Variants in RYR1 observed in about 807,000 individuals in gnomAD.
RYR1 encodes the protein ryanodine receptor 1, also known as central core disease of muscle.
A neutral mutation model predicts 583.5 loss-of-function variants in RYR1; 342 were observed. That is an observed-to-expected ratio of 0.59 (90% CI 0.54 to 0.64). RYR1 has a LOEUF of 0.64. RYR1 is among the 30% of genes least tolerant of loss of function. RYR1 has a pLI of 0.00. For missense variants in RYR1, 6,032 were observed against 6,917.2 expected (o/e 0.87, Z 4.54); for synonymous variants, 2,791 against 2,822.5 (o/e 0.99, Z 0.35).
intron 81 of RYR1, chr19:38,535,707 G>A (rs560474412): frequency 6.9e-5 from 41 of 590,750 alleles, no homozygotes; most frequent in Middle Eastern, 4.2e-4. Flanking sequence ...CTCTACTGTT[G>A]TCTGCCTTTA....
chr19:38,524,306 C>T lies in RYR1; in HGVS notation c.10455+377C>T, dbSNP rs992458803. On this transcript the variant is annotated intron_variant, in intron 70 of 105. Coordinates refer to ENST00000359596, the MANE Select transcript of RYR1 (RefSeq NM_000540.3). ...CGGAGCATGGTTGGGGAGGGGGCAGCACCCTCGCCGTGGATGGTTTAAAGC... is the reference window on the plus strand; with the variant it reads ...CGGAGCATGGTTGGGGAGGGGGCAGTACCCTCGCCGTGGATGGTTTAAAGC... Among the ~76,000 whole-genome samples the T allele has an allele frequency of 9.4e-4, 17 of 18,166 alleles. No homozygotes were observed. The East Asian group carries it at 0.019, about 20-fold the overall frequency. The allele number at this position is 18,166 out of a possible 152,430, so 11.9% of individuals were successfully genotyped here. A position where few individuals can be genotyped will look rare whatever the true frequency, so the allele number is the denominator to read the frequency against.
At chr19:38,525,614 G>C in intron 71 of RYR1, 112 bp downstream of exon 71, 7 of 1,211,442 alleles carry the variant, frequency 5.8e-6, no homozygotes, top group Non-Finnish European at 8.3e-6. Flanking sequence ...AGGTCCCTGG[G>C]AGCCTTCCCT....
rs193922849 is a variant in RYR1 at position 38,561,236 on chromosome 19, C to A, written c.12406C>A (p.Arg4136Ser). Reference protein sequence around the residue: ...EFANRFQEPARDIGFNVAVLL... With the variant: ...EFANRFQEPASDIGFNVAVLL... ...CGCCAACCGCTTCCAGGAGCCAGCA[C>A]GCGACATCGGCTTCAACGTGGCGGT... The change falls in exon 90 of 106, where the codon CGC (arginine) becomes AGC (serine). Residue 4136 changes from arginine to serine, a missense_variant. By Grantham distance (110) the Arg-to-Ser change is moderately radical (BLOSUM62 -1). This residue lies in a region of RYR1 where 753 missense variants were observed against 759.6 expected (regional missense o/e 0.99). Coordinates refer to ENST00000359596, the MANE Select transcript of RYR1 (RefSeq NM_000540.3). This position sits in a 1 kb window ranked among gnomAD's most constrained non-coding sequence, Gnocchi z 4.8. 17 of 1,613,992 alleles carry A rather than the reference C, an allele frequency of 1.1e-5. No individual in the cohort carries two copies. Among genetic ancestry groups the A allele is most frequent in the Admixed American group, 1.7e-5 (1 of 60,002 alleles).
chr19:38,445,815 C>G (rs1400991732), intron 7 of RYR1, among the ~76,000 whole-genome samples: 2 of 152,108 alleles, frequency 1.3e-5, no homozygotes, highest in African/African-American at 4.8e-5. Flanking sequence ...CATGGCAAAA[C>G]CCCATCTCTA....
In RYR1 at chr19:38,505,091, A is replaced by G. The variant is rs372730488; in HGVS notation, c.8310+10A>G. On this transcript the variant is annotated intron_variant, in intron 52 of 105. Transcript: ENST00000359596. The stretch of plus-strand genomic sequence containing the variant: ...GTGGGCCTTCGACAAGGTTGGCCTC[A>G]GGGTCCTCCTATCCAAGAAACCCTC... The G allele has an allele frequency of 4.2e-5, 68 of 1,613,344 alleles. No individual in the cohort carries two copies. Among genetic ancestry groups the G allele is most frequent in the Admixed American group, 3.0e-4 (18 of 60,024 alleles).
At position 38,433,770 on chromosome 19, in the gene RYR1, G is replaced by GC; in HGVS notation, c.-57dup. On this transcript the variant is annotated 5_prime_UTR_variant, in exon 1 of 106. Transcript: ENST00000359596. ...AGCCCGCCCCCAGCCCTCCCGCCCAGCCCGCAGCCCCCTCCCTCTGTTCCC... is the reference window on the plus strand; with the variant it reads ...AGCCCGCCCCCAGCCCTCCCGCCCAGCCCCGCAGCCCCCTCCCTCTGTTCCC... 3.9e-6 allele frequency: 1 copy of GC among 255,160 alleles called. No individual in the cohort carries two copies. Among genetic ancestry groups the GC allele is most frequent in the South Asian group, 3.9e-5 (1 of 25,578 alleles). 15.8% of individuals were successfully genotyped at this position (255,160 alleles called of 1,614,324 possible).
At chr19:38,507,478 T>G (rs1203423154) in intron 57 of RYR1, among the ~76,000 whole-genome samples, 6 of 58,868 alleles carry the variant, frequency 1.0e-4, no homozygotes, top group African/African-American at 1.5e-4. Flanking sequence ...GGAACAGAGG[T>G]GGGGCCAAAG....
chr19:38,574,890 A>AT (rs1280356302), intron 96 of RYR1, among the ~76,000 whole-genome samples: 2 of 151,878 alleles, frequency 1.3e-5, no homozygotes, highest in African/African-American at 2.4e-5. Flanking sequence ...ATACAAAAAA[A>AT]TTAGCTGGGC....
chr19:38,505,983 T>TGG, intron 54 of RYR1, 37 bp downstream of exon 54: 1 of 1,574,754 alleles, frequency 6.4e-7, no homozygotes, highest in Non-Finnish European at 8.7e-7. Context: ...AGGGGCACGA[T>TGG]GGGGGGAGGG....
At chr19:38,564,633 T>G (rs1186873088) in intron 90 of RYR1, among the ~76,000 whole-genome samples, 1 of 151,528 alleles carries the variant, frequency 6.6e-6, no homozygotes, top group Non-Finnish European at 1.5e-5. Flanking sequence ...TTCTCCTACC[T>G]CAGCCTCCCG....
In RYR1 at chr19:38,458,201, C is replaced by A. The variant is rs1468369900; in HGVS notation, c.2076C>A (p.Thr692=). The change falls in exon 18 of 106, where the codon ACC becomes ACA. Residue 692 remains threonine, a synonymous_variant. Coordinates refer to ENST00000359596, the MANE Select transcript of RYR1 (RefSeq NM_000540.3). ...GCTGGGCCCTCACCGAGGGCTACAC[C>A]CCCTACCCTGGGGCCGGCGAGGGCT... is the stretch of plus-strand genomic sequence containing the variant. ...RVGWALTEGY[T]PYPGAGEGWG... is the part of the protein sequence containing the mutation. 6.2e-7 allele frequency: 1 copy of A among 1,613,816 alleles called. No homozygotes were observed. The highest frequency in any genetic ancestry group is 2.2e-5 in the East Asian group (1 of 44,888).
In RYR1 at chr19:38,539,280, G is replaced by A. The variant is rs191144873; in HGVS notation, c.11689+1320G>A. 2.0e-4 allele frequency among the ~76,000 whole-genome samples: 27 copies of A among 134,742 alleles called. 1 individual carries two copies. The highest frequency in any genetic ancestry group is 1.5e-3 in the Admixed American group (18 of 11,806). 88.4% of individuals were successfully genotyped at this position (134,742 alleles called of 152,430 possible). A position where few individuals can be genotyped will look rare whatever the true frequency, so the allele number is the denominator to read the frequency against. On this transcript the variant is annotated intron_variant, in intron 84 of 105. Transcript: ENST00000359596. ...TTTTAGACAGAGTCTCACTCTTGTC[G>A]CCCAGACTGGAGTGCAGTGGTGTGA...
At chr19:38,445,371 C>T (rs1972891575) in intron 7 of RYR1, among the ~76,000 whole-genome samples, 1 of 151,756 alleles carries the variant, frequency 6.6e-6, no homozygotes, top group African/African-American at 2.4e-5. Flanking sequence ...CTCAGACTTC[C>T]AAACTTCAAT....
At position 38,464,729 on chromosome 19, in the gene RYR1, G is replaced by A. The variant is rs1348040803; in HGVS notation, c.2870+7G>A. ...AGACAAAACTCCCCAAGACGTGAGT[G>A]TGGGCAGCCAGGTCCCGTCTGGGGA... On this transcript the variant is annotated splice_region_variant and intron_variant, in intron 23 of 105. Transcript: ENST00000359596. 2.5e-6 allele frequency: 4 copies of A among 1,573,306 alleles called. No homozygotes were observed. The highest frequency in any genetic ancestry group is 3.5e-6 in the Non-Finnish European group (4 of 1,158,908).
intron 54 of RYR1, 67 bp from the exon 55 acceptor site, chr19:38,506,236 G>C: frequency 6.5e-7 from 1 of 1,528,722 alleles, no homozygotes; most frequent in Non-Finnish European, 9.0e-7. Flanking sequence ...TGGGGCCTGG[G>C]GAGGGGCTGG....
intron 72 of RYR1, 41 bp downstream of exon 72, chr19:38,527,093 A>T: frequency 6.2e-7 from 1 of 1,600,284 alleles, no homozygotes; most frequent in Non-Finnish European, 8.6e-7. Flanking sequence ...GCAAGTCAGA[A>T]AGTAACCACA....
rs1300846171 is a variant in RYR1, at chr19:38,483,590, C to T, written c.4934+74C>T. 13 of 1,311,210 alleles carry T rather than the reference C, an allele frequency of 9.9e-6. No individual in the cohort carries two copies. The highest frequency in any genetic ancestry group is 1.3e-5 in the Non-Finnish European group (12 of 945,136). 81.2% of individuals were successfully genotyped at this position (1,311,210 alleles called of 1,614,324 possible). A position where few individuals can be genotyped will look rare whatever the true frequency, so the allele number is the denominator to read the frequency against. ...CTGGGGTCTGGGTCCCACTCAGTGC[C>T]CCTCCTCAACACAACCCCGGGATTC... On this transcript the variant is annotated intron_variant, in intron 33 of 105. Transcript: ENST00000359596. This position sits in a 1 kb window ranked among gnomAD's most constrained non-coding sequence, Gnocchi z 6.3.
rs145088074 is a variant in RYR1 at position 38,467,732 on chromosome 19, G to T, written c.3301G>T (p.Val1101Leu). The T allele has an allele frequency of 6.2e-7, 1 of 1,614,230 alleles. No individual in the cohort carries two copies. Among genetic ancestry groups the T allele is most frequent in the Non-Finnish European group, 8.5e-7 (1 of 1,180,044 alleles). Residue 1101 changes from valine to leucine, a missense_variant, in exon 25 of 106, where the codon GTG (valine) becomes TTG (leucine). Coordinates refer to ENST00000359596, the MANE Select transcript of RYR1 (RefSeq NM_000540.3). Reference protein sequence around the residue: ...FEAVTTGEMRVGWARPELRPD... With the variant: ...FEAVTTGEMRLGWARPELRPD... ...AGCAGTCACCACAGGCGAGATGCGC[G>T]TGGGCTGGGCGAGGCCCGAGCTGAG...
At chr19:38,579,191 C>A (rs542460649) in intron 99 of RYR1, among the ~76,000 whole-genome samples, 1 of 151,930 alleles carries the variant, frequency 6.6e-6, no homozygotes, top group African/African-American at 2.4e-5. Flanking sequence ...GTTGGGAGGC[C>A]GAGGTGGGTG....
Sources: gnomAD v4.1 joint callset for allele counts (sites outside exome capture counted in the v4.1 genomes callset) on GRCh38, gnomAD v4.1.1 for gene constraint, gnomAD v4.1.1 regional missense constraint, Gnocchi (gnomAD v3.1) non-coding constraint, MANE v1.5 for transcripts, NCBI Gene and HGNC (gene_info 2026-07-23, HGNC 2026-07-21) for gene names.